NEGR1: variants seen among roughly 807,000 people sequenced by gnomAD.
The protein encoded by NEGR1 is neuronal growth regulator 1.
A neutral mutation model predicts 40.9 loss-of-function variants in NEGR1; 10 were observed. The ratio of observed to expected loss-of-function variants is 0.24; its 90% CI spans 0.15 to 0.42. The LOEUF (loss-of-function observed/expected upper bound fraction) is 0.42. Ranked by LOEUF, NEGR1 falls within the 10% of genes least tolerant of loss-of-function variation. The probability of loss-of-function intolerance (pLI) is 1.00; values close to 1 mark genes in which losing one functional copy is unlikely to be tolerated. For missense variants in NEGR1, 352 were observed against 438.9 expected, an observed-to-expected ratio of 0.80 and a Z score of 1.77; for synonymous variants, 185 against 166.8, an observed-to-expected ratio of 1.11 and a Z score of -0.84.
chr1:71,669,675 G>A (rs916243504), intron 4 of NEGR1, among the ~76,000 whole-genome samples: 2 of 150,866 alleles, frequency 1.3e-5, no homozygotes, highest in Non-Finnish European at 1.5e-5. Flanking sequence ...TTTTTGAGAT[G>A]GAGTCTTGCT....
intron 1 of NEGR1, among the ~76,000 whole-genome samples, chr1:72,227,248 TA>T (rs1269180689): frequency 6.6e-6 from 1 of 152,076 alleles, no homozygotes; most frequent in African/African-American, 2.4e-5. Context: ...TTATGAAACA[TA>T]ATGCCTCATA....
chr1:71,746,793 C>G (rs1655401814), intron 3 of NEGR1, among the ~76,000 whole-genome samples: 1 of 150,952 alleles, frequency 6.6e-6, no homozygotes, highest in East Asian at 2.0e-4. Flanking sequence ...CACACACACA[C>G]AGATTTCTAA....
At chr1:71,648,764 C>T (rs1468640639) in intron 4 of NEGR1, among the ~76,000 whole-genome samples, 1 of 151,948 alleles carries the variant, frequency 6.6e-6, no homozygotes, top group Non-Finnish European at 1.5e-5. Flanking sequence ...TAAATGATGC[C>T]CTGATCACAA....
At chr1:71,948,614 C>A (rs1426987421) in intron 1 of NEGR1, among the ~76,000 whole-genome samples, 1 of 151,542 alleles carries the variant, frequency 6.6e-6, no homozygotes, top group Non-Finnish European at 1.5e-5. Context: ...AATATGAAAC[C>A]AATATATAAT....
At chr1:71,477,669 TG>T (rs1646830033) in intron 6 of NEGR1, among the ~76,000 whole-genome samples, 1 of 152,094 alleles carries the variant, frequency 6.6e-6, no homozygotes, top group African/African-American at 2.4e-5. Flanking sequence ...AGATGGGCAG[TG>T]GGGTGCTTTA....
intron 6 of NEGR1, among the ~76,000 whole-genome samples, chr1:71,427,794 A>T (rs997751268): frequency 6.6e-6 from 1 of 152,190 alleles, no homozygotes; most frequent in African/African-American, 2.4e-5. Flanking sequence ...ATTCCATTTT[A>T]ATTCTAGCAT....
intron 1 of NEGR1, among the ~76,000 whole-genome samples, chr1:72,089,643 C>T (rs1443718025): frequency 6.6e-6 from 1 of 151,946 alleles, no homozygotes; most frequent in African/African-American, 2.4e-5. Flanking sequence ...TACATTTGTC[C>T]TCATCAATGA....
intron 1 of NEGR1, among the ~76,000 whole-genome samples, chr1:72,015,334 A>C (rs1246993372): frequency 6.6e-6 from 1 of 150,892 alleles, no homozygotes; most frequent in African/African-American, 2.4e-5. Context: ...ACTTCTTCTA[A>C]AAAAAAAACA....
At chr1:71,630,700 C>G (rs1026385196) in intron 4 of NEGR1, among the ~76,000 whole-genome samples, 10 of 151,776 alleles carry the variant, frequency 6.6e-5, no homozygotes, top group Non-Finnish European at 1.0e-4. Context: ...AAATAGAAAT[C>G]AGCCTGCATT....
chr1:71,590,650 A>G (rs1221697640), intron 6 of NEGR1, among the ~76,000 whole-genome samples: 1 of 152,160 alleles, frequency 6.6e-6, no homozygotes, highest in East Asian at 1.9e-4. Flanking sequence ...TTTCTAGAAG[A>G]GGAGAATTAC....
intron 4 of NEGR1, among the ~76,000 whole-genome samples, chr1:71,688,393 A>AAG (rs58551950): frequency 0.53 from 16,940 of 31,676 alleles, 5,518 homozygotes; most frequent in Middle Eastern, 0.66. Flanking sequence ...AGATATATAA[A>AAG]ATATATATAT....
At chr1:72,108,723 T>C (rs1482965747) in intron 1 of NEGR1, among the ~76,000 whole-genome samples, 1 of 151,500 alleles carries the variant, frequency 6.6e-6, no homozygotes, top group Non-Finnish European at 1.5e-5. Flanking sequence ...TTGACCTCCT[T>C]AGGAATCTGG....
intron 1 of NEGR1, among the ~76,000 whole-genome samples, chr1:72,235,049 T>C (rs1474906281): frequency 1.3e-5 from 2 of 152,124 alleles, no homozygotes; most frequent in African/African-American, 2.4e-5. Flanking sequence ...AAAGAAAATA[T>C]GTTATATATA....
chr1:72,174,099 C>A (rs1392869851), intron 1 of NEGR1, among the ~76,000 whole-genome samples: 1 of 151,748 alleles, frequency 6.6e-6, no homozygotes. Context: ...TTTAAAAAAA[C>A]TGTCAATTTT....
At chr1:71,793,350 C>T (rs1657190041) in intron 2 of NEGR1, among the ~76,000 whole-genome samples, 1 of 67,914 alleles carries the variant, frequency 1.5e-5, no homozygotes, top group South Asian at 5.6e-4. Context: ...ACCTTGTGAT[C>T]TGCCCGCCTC....
chr1:71,475,285 TTGAG>T (rs1646812339), intron 6 of NEGR1, among the ~76,000 whole-genome samples: 1 of 152,074 alleles, frequency 6.6e-6, no homozygotes, highest in Non-Finnish European at 1.5e-5. Flanking sequence ...TATATGGCTA[TTGAG>T]TATTTGAAAA....
At chr1:72,085,583 T>G (rs1010155757) in intron 1 of NEGR1, among the ~76,000 whole-genome samples, 1 of 152,200 alleles carries the variant, frequency 6.6e-6, no homozygotes, top group South Asian at 2.1e-4. Context: ...TTCCCTATTA[T>G]GTAATGCTAC....
chr1:71,840,715 T>C (rs1488509664), intron 2 of NEGR1, among the ~76,000 whole-genome samples: 1 of 152,178 alleles, frequency 6.6e-6, no homozygotes, highest in East Asian at 1.9e-4. Context: ...TGTGTCATGA[T>C]TAATTTTATG....
chr1:72,122,647 C>T (rs1649847225), intron 1 of NEGR1, among the ~76,000 whole-genome samples: 1 of 151,780 alleles, frequency 6.6e-6, no homozygotes, highest in Non-Finnish European at 1.5e-5. Flanking sequence ...GCACAATGAG[C>T]TGTTTATAGA....
Sources: gnomAD v4.1 joint callset for allele counts (sites outside exome capture counted in the v4.1 genomes callset) on GRCh38, gnomAD v4.1.1 for gene constraint, MANE v1.5 for transcripts, NCBI Gene and HGNC (gene_info 2026-07-23, HGNC 2026-07-21) for gene names.